The following PDE4D variants were observed in gnomAD, a reference collection of about 807,000 sequenced individuals.
The protein encoded by PDE4D is 3',5'-cyclic-AMP phosphodiesterase 4D.
A neutral mutation model predicts 87.4 loss-of-function variants in PDE4D; 24 were observed. That is an observed-to-expected ratio of 0.27 (90% confidence interval 0.20 to 0.39). PDE4D has a LOEUF of 0.39. Ranked by LOEUF, PDE4D falls within the 10% of genes least tolerant of loss-of-function variation. PDE4D has a pLI of 1.00. For synonymous variants in PDE4D, 384 were observed against 383.2 expected (o/e 1.00, Z -0.02); for missense variants, 714 against 1,041.0 (o/e 0.69, Z 4.32).
At chr5:59,424,603 A>G (rs1794933763) in intron 1 of PDE4D, among the ~76,000 whole-genome samples, 1 of 152,142 alleles carries the variant, frequency 6.6e-6, no homozygotes, top group African/African-American at 2.4e-5. Flanking sequence ...GAAATGCCAG[A>G]TGCTTATAAA....
intron 1 of PDE4D, among the ~76,000 whole-genome samples, chr5:59,397,655 A>G (rs1789697514): frequency 8.6e-6 from 1 of 116,766 alleles, no homozygotes; most frequent in Non-Finnish European, 1.8e-5. Flanking sequence ...ACACCCTAAC[A>G]TCACAAGTAA....
At chr5:59,301,398 T>C (rs1192632357) in intron 1 of PDE4D, among the ~76,000 whole-genome samples, 1 of 152,194 alleles carries the variant, frequency 6.6e-6, no homozygotes, top group African/African-American at 2.4e-5. Context: ...GTCAACACTA[T>C]TTAAAAGCCA....
At chr5:59,768,515 T>C (rs780375059) in intron 1 of PDE4D, 10 of 1,598,138 alleles carry the variant, frequency 6.3e-6, no homozygotes, top group South Asian at 2.2e-5. Flanking sequence ...GCCATTTTCC[T>C]GGTCAACTTT....
chr5:59,406,395 T>TTCCCCC (rs1791654270), intron 1 of PDE4D, among the ~76,000 whole-genome samples: 4 of 33,228 alleles, frequency 1.2e-4, no homozygotes, highest in African/African-American at 1.2e-4. Context: ...TATCTTTCCT[T>TTCCCCC]CCCCCCCCCC....
At chr5:59,683,370 A>T (rs1749347290) in intron 1 of PDE4D, among the ~76,000 whole-genome samples, 1 of 152,202 alleles carries the variant, frequency 6.6e-6, no homozygotes, top group African/African-American at 2.4e-5. Context: ...AGTAAATCTG[A>T]AATTACATCA....
At position 58,988,647 on chromosome 5, in the gene PDE4D, A is replaced by T. The variant is rs57835046; in HGVS notation, c.1453-55T>A. On this transcript the variant is annotated intron_variant, in intron 10 of 14. Transcript: ENST00000340635. ...ACTATTCTACAATGATATGAATTAA[A>T]AGTATAAACAAATAAGAAATCTCTA... 0.017 allele frequency: 12,588 copies of T among 720,892 alleles called. 693 individuals carry two copies. The highest frequency in any genetic ancestry group is 0.15 in the African/African-American group (8,148 of 55,688). The allele number at this position is 720,892 out of a possible 1,614,324, so 44.7% of individuals were successfully genotyped here.
chr5:59,974,798 C>T (rs1197545645), intron 3 of PDE4D, among the ~76,000 whole-genome samples: 1 of 152,164 alleles, frequency 6.6e-6, no homozygotes, highest in Admixed American at 6.5e-5. Flanking sequence ...ACTGTGATTT[C>T]TCTCCCCTGT....
intron 1 of PDE4D, among the ~76,000 whole-genome samples, chr5:60,261,971 C>G (rs1021251296): frequency 6.6e-6 from 1 of 152,068 alleles, no homozygotes; most frequent in Admixed American, 6.6e-5. Flanking sequence ...GTTGACAGAA[C>G]CAAATTTCAG....
intron 1 of PDE4D, among the ~76,000 whole-genome samples, chr5:59,246,978 A>G (rs1223165287): frequency 6.6e-6 from 1 of 152,148 alleles, no homozygotes; most frequent in Non-Finnish European, 1.5e-5. Flanking sequence ...GGTTTTGTAA[A>G]AGTTTCAGTT....
chr5:59,352,404 G>A (rs1473766160), intron 1 of PDE4D, among the ~76,000 whole-genome samples: 1 of 152,162 alleles, frequency 6.6e-6, no homozygotes, highest in Non-Finnish European at 1.5e-5. Flanking sequence ...GCAACAGGAG[G>A]TATTCTTGGG....
At chr5:60,166,266 T>C (rs955768926) in intron 2 of PDE4D, among the ~76,000 whole-genome samples, 6 of 152,184 alleles carry the variant, frequency 3.9e-5, no homozygotes, top group Non-Finnish European at 8.8e-5. Flanking sequence ...GTCTAATTTT[T>C]TGTATTCTTA....
chr5:59,828,362 C>T (rs1010502210), intron 1 of PDE4D, among the ~76,000 whole-genome samples: 4 of 151,922 alleles, frequency 2.6e-5, no homozygotes, highest in African/African-American at 9.7e-5. Context: ...AGGGGGTAAT[C>T]AGACTGTAAG....
chr5:59,859,284 T>G (rs1745910396), intron 1 of PDE4D, among the ~76,000 whole-genome samples: 1 of 152,178 alleles, frequency 6.6e-6, no homozygotes, highest in South Asian at 2.1e-4. Context: ...AGCTCTGCCT[T>G]TTCTGCTTCC....
chr5:60,254,240 A>T (rs1055812446), intron 1 of PDE4D, among the ~76,000 whole-genome samples: 1 of 151,944 alleles, frequency 6.6e-6, no homozygotes, highest in Non-Finnish European at 1.5e-5. Flanking sequence ...AGATGTTCAC[A>T]TTATACCAAG....
chr5:60,046,482 A>G (rs1288093709), intron 2 of PDE4D, among the ~76,000 whole-genome samples: 1 of 152,076 alleles, frequency 6.6e-6, no homozygotes, highest in Non-Finnish European at 1.5e-5. Flanking sequence ...TTGCCCATTC[A>G]GTATGATATT....
rs62358502 is a variant in PDE4D, at chr5:59,026,423, T to A, written c.921+12436A>T. 4.3e-3 allele frequency among the ~76,000 whole-genome samples: 654 copies of A among 152,318 alleles called. 7 individuals are homozygous for A. The highest frequency in any genetic ancestry group is 5.5e-3 in the Non-Finnish European group (374 of 68,008). On this transcript the variant is annotated intron_variant, in intron 6 of 14. Transcript: ENST00000340635. Reference sequence around the variant, plus strand: ...TACAAGGTAAAAAACAGCATTTGCATTAACCAACATCATGCATTCTTGTAC... The same window carrying A: ...TACAAGGTAAAAAACAGCATTTGCAATAACCAACATCATGCATTCTTGTAC...
rs1561197364 is a variant in PDE4D, at chr5:60,389,044, AAT to A, written c.-90+98896_-90+98897del. Among the ~76,000 whole-genome samples, 78 of 152,320 alleles carry A rather than the reference AAT, an allele frequency of 5.1e-4. 1 individual carries two copies. Among genetic ancestry groups the A allele is most frequent in the Admixed American group, 5.1e-3 (78 of 15,298 alleles). ...TTAATCCACATTTTGCCATCCAAGA[AAT>A]TATGATATAGAATATCATATAGATA... On this transcript the variant is annotated intron_variant, in intron 1 of 16. Transcript: ENST00000502484.
At chr5:59,703,219 G>C (rs990544019) in intron 1 of PDE4D, among the ~76,000 whole-genome samples, 5 of 152,118 alleles carry the variant, frequency 3.3e-5, no homozygotes, top group African/African-American at 1.2e-4. Flanking sequence ...ATTGCACATG[G>C]ATATATTGCC....
intron 1 of PDE4D, among the ~76,000 whole-genome samples, chr5:60,450,921 C>T (rs1414762011): frequency 6.6e-6 from 1 of 152,124 alleles, no homozygotes; most frequent in East Asian, 1.9e-4. Flanking sequence ...CAGGCCATTA[C>T]TATTACTGTC....
Sources: gnomAD v4.1 joint callset for allele counts (sites outside exome capture counted in the v4.1 genomes callset) on GRCh38, gnomAD v4.1.1 for gene constraint, MANE v1.5 for transcripts, NCBI Gene and HGNC (gene_info 2026-07-23, HGNC 2026-07-21) for gene names.